Variants in AP2B1 observed in about 807,000 individuals in gnomAD.
AP2B1 encodes the protein AP-2 complex subunit beta.
In AP2B1, 23 loss-of-function variants were observed where a neutral mutation model predicts 102.0. That is an observed-to-expected ratio of 0.23 (90% CI 0.16 to 0.32). The LOEUF (loss-of-function observed/expected upper bound fraction) is 0.32, where lower values mean the gene tolerates loss of function less well. Ranked by LOEUF, AP2B1 falls within the 10% of genes least tolerant of loss-of-function variation. AP2B1 has a pLI of 1.00. For synonymous variants in AP2B1, 381 were observed against 421.2 expected (o/e 0.90, Z 1.17); for missense variants, 541 against 1,157.4 (o/e 0.47, Z 7.73).
intron 18 of AP2B1, among the ~76,000 whole-genome samples, chr17:35,707,893 C>G (rs140950972): frequency 0.018 from 2,708 of 152,326 alleles, 48 homozygotes; most frequent in Admixed American, 0.037. Context: ...GTCACAAACT[C>G]CTAGCCTTGT....
At position 35,689,183 on chromosome 17, in the gene AP2B1, G is replaced by A. The variant is rs144383596; in HGVS notation, c.2454+6359G>A. On this transcript the variant is annotated intron_variant, in intron 18 of 21. Transcript: ENST00000610402. ...ATCTGTAAGTATTTTAGTATGTCTCGTATTTTGTTTGTTTGAGATGGAGTC... is the reference window on the plus strand; with the variant it reads ...ATCTGTAAGTATTTTAGTATGTCTCATATTTTGTTTGTTTGAGATGGAGTC... Among the ~76,000 whole-genome samples the A allele has an allele frequency of 9.7e-3, 1,480 of 152,010 alleles. 16 individuals are homozygous for A. Among genetic ancestry groups the A allele is most frequent in the African/African-American group, 0.03 (1,255 of 41,486 alleles).
chr17:35,685,011 A>G (rs2075901945), intron 18 of AP2B1, among the ~76,000 whole-genome samples: 2 of 152,188 alleles, frequency 1.3e-5, no homozygotes, highest in South Asian at 2.1e-4. Context: ...TCTTAGTCCA[A>G]CCCTTTCCTC....
intron 14 of AP2B1, among the ~76,000 whole-genome samples, chr17:35,666,472 T>G (rs2075468010): frequency 6.6e-6 from 1 of 152,262 alleles, no homozygotes. Context: ...TAATACAGAC[T>G]GTTCAATTCT....
At chr17:35,617,777 G>T (rs771935825) in intron 5 of AP2B1, among the ~76,000 whole-genome samples, 1 of 152,150 alleles carries the variant, frequency 6.6e-6, no homozygotes, top group Admixed American at 6.5e-5. Flanking sequence ...ATCATAAGTG[G>T]TGTGATAATA....
At chr17:35,626,934 T>C in intron 7 of AP2B1, 92 bp downstream of exon 7, 1 of 1,224,754 alleles carries the variant, frequency 8.2e-7, no homozygotes, top group Non-Finnish European at 1.2e-6. Flanking sequence ...TTAATCTCTT[T>C]TTAATATATG....
At chr17:35,688,537 T>C (rs1275798042) in intron 18 of AP2B1, among the ~76,000 whole-genome samples, 1 of 152,250 alleles carries the variant, frequency 6.6e-6, no homozygotes, top group South Asian at 2.1e-4. Flanking sequence ...TTAACTTCTT[T>C]GCTGCTGCTC....
chr17:35,610,133 G>A (rs1391688821), intron 5 of AP2B1, among the ~76,000 whole-genome samples: 3 of 95,036 alleles, frequency 3.2e-5, no homozygotes, highest in Non-Finnish European at 6.2e-5. Flanking sequence ...ACACCATATG[G>A]TACCTTTTAT....
chr17:35,618,854 C>A (rs983022979), intron 5 of AP2B1, among the ~76,000 whole-genome samples: 2 of 152,098 alleles, frequency 1.3e-5, no homozygotes, highest in Non-Finnish European at 2.9e-5. Context: ...TATTTTATAG[C>A]TAGGTAGTAA....
In AP2B1 at chr17:35,704,892, G is replaced by A. The variant is rs956381939; in HGVS notation, c.2455-4332G>A. 3.3e-5 allele frequency among the ~76,000 whole-genome samples: 5 copies of A among 152,032 alleles called. No individual in the cohort carries two copies. The East Asian group carries it at 5.8e-4, about 18-fold the overall frequency. On this transcript the variant is annotated intron_variant, in intron 18 of 21. Transcript: ENST00000610402. ...CTAAAAATACAAAAATTAGGTGGACGTGGTGGCACACGCCTGTAATCCCAG... is the reference window on the plus strand; with the variant it reads ...CTAAAAATACAAAAATTAGGTGGACATGGTGGCACACGCCTGTAATCCCAG...
intron 6 of AP2B1, 52 bp from the exon 7 acceptor site, chr17:35,626,569 T>C (rs2074321576): frequency 7.0e-7 from 1 of 1,422,198 alleles, no homozygotes; most frequent in African/African-American, 1.4e-5. Context: ...ATAGAATGAA[T>C]TCAGCAAATA....
At chr17:35,694,390 C>T (rs1472750933) in intron 18 of AP2B1, among the ~76,000 whole-genome samples, 2 of 142,678 alleles carry the variant, frequency 1.4e-5, no homozygotes, top group South Asian at 2.3e-4. Context: ...AATACAGGTA[C>T]ATGCCATCAC....
chr17:35,617,708 T>C (rs1180178206), intron 5 of AP2B1, among the ~76,000 whole-genome samples: 2 of 152,212 alleles, frequency 1.3e-5, no homozygotes, highest in Non-Finnish European at 1.5e-5. Context: ...TTTGTCACTT[T>C]AAGATGACCT....
chr17:35,619,255 GTAAA>G (rs1212696595), intron 5 of AP2B1, among the ~76,000 whole-genome samples: 1 of 152,180 alleles, frequency 6.6e-6, no homozygotes, highest in Non-Finnish European at 1.5e-5. Context: ...ATAGCACAAA[GTAAA>G]TATTCAATAC....
chr17:35,648,643 T>A (rs1339644362), intron 12 of AP2B1, among the ~76,000 whole-genome samples: 1 of 152,116 alleles, frequency 6.6e-6, no homozygotes, highest in Non-Finnish European at 1.5e-5. Context: ...TAATTAATGG[T>A]GCAGTGGGCA....
In AP2B1 at chr17:35,670,912, G is replaced by GA; in HGVS notation, c.2031+14_2031+15insA. ...GGAAGTCCGGCAGTAAGTGCCATCT[G>GA]TTTTTTTCACCATGAGAAGCACTGC... On this transcript the variant is annotated intron_variant, in intron 15 of 21. Transcript: ENST00000610402. The GA allele has an allele frequency of 6.2e-7, 1 of 1,613,738 alleles. No homozygotes were observed. Among genetic ancestry groups the GA allele is most frequent in the South Asian group, 1.1e-5 (1 of 91,068 alleles).
At chr17:35,616,676 T>G (rs1371570351) in intron 5 of AP2B1, among the ~76,000 whole-genome samples, 3 of 152,224 alleles carry the variant, frequency 2.0e-5, no homozygotes, top group Non-Finnish European at 4.4e-5. Context: ...TAATGTCCTT[T>G]CGCTATTCCA....
intron 5 of AP2B1, among the ~76,000 whole-genome samples, chr17:35,616,026 CT>C (rs1310210319): frequency 6.7e-6 from 1 of 149,980 alleles, no homozygotes; most frequent in Non-Finnish European, 1.5e-5. Flanking sequence ...AAAGCAAACA[CT>C]TTTTGTTTTC....
In AP2B1 at chr17:35,717,204, C is replaced by G; in HGVS notation, c.2636C>G (p.Ser879Cys). Residue 879 changes from serine to cysteine, a missense_variant, in exon 21 of 22, where the codon TCC (serine) becomes TGC (cysteine). This residue lies in a region of AP2B1 where 117 missense variants were observed against 206.7 expected (regional missense o/e 0.57). Coordinates refer to ENST00000610402, the MANE Select transcript of AP2B1 (RefSeq NM_001030006.2). ...KECHLNADTV[S>C]SKLQNNNVYT... Reference sequence around the variant, plus strand: ...GAATCTGTATTTCTAGACACTGTTTCCAGCAAGTTGCAAAACAACAATGTT... The same window carrying G: ...GAATCTGTATTTCTAGACACTGTTTGCAGCAAGTTGCAAAACAACAATGTT... The G allele has an allele frequency of 6.2e-7, 1 of 1,613,742 alleles. No individual in the cohort carries two copies. The highest frequency in any genetic ancestry group is 8.5e-7 in the Non-Finnish European group (1 of 1,179,792).
At chr17:35,691,840 A>G (rs988505497) in intron 18 of AP2B1, among the ~76,000 whole-genome samples, 2 of 152,224 alleles carry the variant, frequency 1.3e-5, no homozygotes, top group African/African-American at 4.8e-5. Flanking sequence ...TGTGATTGCT[A>G]CTTCCAGTTT....
Sources: allele counts gnomAD v4.1 joint callset (sites outside exome capture counted in the v4.1 genomes callset), GRCh38; gene constraint gnomAD v4.1.1; regional missense constraint gnomAD v4.1.1; transcripts MANE v1.5; gene names NCBI Gene and HGNC (gene_info 2026-07-23, HGNC 2026-07-21).